OFD1: variants seen among roughly 807,000 people sequenced by gnomAD.
OFD1 encodes OFD1 centriole and centriolar satellite protein.
OFD1 carries 12 observed loss-of-function variants against 81.4 expected under a neutral mutation model. That is an observed-to-expected ratio of 0.15 (90% confidence interval 0.09 to 0.24). The LOEUF (loss-of-function observed/expected upper bound fraction) is 0.24, where lower values mean the gene tolerates loss of function less well. Among genes scored for constraint, OFD1 ranks in the 10% least tolerant of loss-of-function variants. The probability of loss-of-function intolerance (pLI) is 1.00; values close to 1 mark genes in which losing one functional copy is unlikely to be tolerated. For synonymous variants in OFD1, 256 were observed against 263.7 expected, an observed-to-expected ratio of 0.97 and a Z score of 0.28; for missense variants, 685 against 733.9, an observed-to-expected ratio of 0.93 and a Z score of 0.77.
chrX:13,745,677 T>C (rs1207870094), intron 6 of OFD1, among the ~76,000 whole-genome samples: 1 of 112,339 alleles, frequency 8.9e-6, no homozygotes. Flanking sequence ...GTGGGCGTTA[T>C]ACACGGTTGA....
the OFD1 span, chrX:13,716,690 T>G: frequency 8.3e-7 from 1 of 1,208,766 alleles, no homozygotes; most frequent in Non-Finnish European, 1.1e-6. Flanking sequence ...TAGATGACAG[T>G]GTGAGCAACC....
the OFD1 span, among the ~76,000 whole-genome samples, chrX:13,724,432 G>A: frequency 9.2e-6 from 1 of 108,356 alleles, no homozygotes; most frequent in Non-Finnish European, 1.9e-5. Context: ...GGCTTTTTAG[G>A]CTACGATCAG....
chrX:13,772,638 G>A (rs942838824), downstream of OFD1: 1 of 318,471 alleles, frequency 3.1e-6, no homozygotes, highest in Non-Finnish European at 5.5e-6. Context: ...AAGTATGAAC[G>A]ATCATTTTGT....
At position 13,760,234 on chromosome X, in the gene OFD1, A is replaced by G; in HGVS notation, c.1774A>G (p.Asn592Asp). The change falls in exon 16 of 23, where the codon AAT becomes GAT. Residue 592 changes from asparagine (N) to aspartate (D), a missense_variant. Around this residue, in one of 3 missense-constraint regions of OFD1, gnomAD observed 414 missense variants for 447.2 expected, o/e 0.93. Coordinates refer to ENST00000340096, the MANE Select transcript of OFD1 (RefSeq NM_003611.3). ...NGEISGDFLN[N>D]PFKQENVLAR... Reference sequence around the variant, plus strand: ...TGAGATAAGTGGGGATTTCTTGAACAATCCTTTTAAACAGGAAAACGTTCT... The same window carrying G: ...TGAGATAAGTGGGGATTTCTTGAACGATCCTTTTAAACAGGAAAACGTTCT... 8.3e-7 allele frequency: 1 copy of G among 1,211,671 alleles called. No individual in the cohort carries two copies. The highest frequency in any genetic ancestry group is 1.1e-6 in the Non-Finnish European group (1 of 895,529).
chrX:13,758,085 A>G (rs986937737), intron 14 of OFD1, among the ~76,000 whole-genome samples: 1 of 111,285 alleles, frequency 9.0e-6, no homozygotes, highest in African/African-American at 3.3e-5. Context: ...AAGTATTACA[A>G]ACATTCACTG....
chrX:13,772,992 G>A (rs1292660033), downstream of OFD1: 5 of 1,208,724 alleles, frequency 4.1e-6, no homozygotes, highest in South Asian at 5.3e-5. Flanking sequence ...CATCCTTTAA[G>A]TAAGCCCAGT....
intron 7 of OFD1, 65 bp downstream of exon 7, chrX:13,746,520 A>G (rs2047304888): frequency 1.8e-6 from 2 of 1,121,261 alleles, no homozygotes; most frequent in Non-Finnish European, 2.5e-6. Context: ...AGTCTTAACC[A>G]TAGGTATATG....
At chrX:13,740,326 T>G in intron 5 of OFD1, 1 of 392,300 alleles carries the variant, frequency 2.5e-6, no homozygotes, top group Non-Finnish European at 4.3e-6. Flanking sequence ...TCATGTGGCT[T>G]TTGAGCCTTG....
At chrX:13,718,259 C>T in the OFD1 span, among the ~76,000 whole-genome samples, 1 of 113,115 alleles carries the variant, frequency 8.8e-6, no homozygotes. Flanking sequence ...CGGCCCGTTG[C>T]CGTGGAATCC....
At chrX:13,733,367 T>C (rs777426383), upstream of OFD1, among the ~76,000 whole-genome samples, 5 of 111,660 alleles carry the variant, frequency 4.5e-5, no homozygotes, top group African/African-American at 1.6e-4. Context: ...TTATTTTTTC[T>C]CCCAAATTCA....
chrX:13,749,397 C>A, intron 8 of OFD1, 30 bp from the exon 9 acceptor site: 2 of 953,987 alleles, frequency 2.1e-6, no homozygotes, highest in Non-Finnish European at 3.0e-6. Context: ...CATTAGCTTG[C>A]TTGCTAAAAA....
chrX:13,758,484 G>A, intron 15 of OFD1, 36 bp downstream of exon 15: 1 of 779,399 alleles, frequency 1.3e-6, no homozygotes. Flanking sequence ...ATTTTTGTAT[G>A]TATAAAGCTT....
chrX:13,725,733 G>A, the OFD1 span, among the ~76,000 whole-genome samples: 1 of 112,475 alleles, frequency 8.9e-6, no homozygotes, highest in Non-Finnish European at 1.9e-5. Flanking sequence ...GCCAGCAATG[G>A]AACAAAGCTG....
chrX:13,737,541 A>G (rs1003743130), intron 3 of OFD1, among the ~76,000 whole-genome samples: 10 of 110,415 alleles, frequency 9.1e-5, no homozygotes, highest in East Asian at 2.9e-4. Context: ...GCTACAATCT[A>G]TAAGCCTACC....
chrX:13,743,483 A>C (rs950355170), intron 5 of OFD1, among the ~76,000 whole-genome samples: 1 of 112,455 alleles, frequency 8.9e-6, no homozygotes, highest in Non-Finnish European at 1.9e-5. Flanking sequence ...AATTCATAGA[A>C]GTGGAATGAC....
chrX:13,761,270 CCTTCA>C (rs756407475), intron 17 of OFD1, 59 bp downstream of exon 17: 49 of 1,135,796 alleles, frequency 4.3e-5, no homozygotes, highest in East Asian at 6.1e-5. Context: ...GCTCTGTCAG[CCTTCA>C]CTTGTTTTAC....
chrX:13,749,292 G>A (rs1325919317), intron 8 of OFD1, 135 bp from the exon 9 acceptor site: 3 of 472,494 alleles, frequency 6.3e-6, no homozygotes, highest in African/African-American at 2.4e-5. Context: ...ACCTTGAGTC[G>A]GAATCTCTTG....
At chrX:13,719,037 A>G in the OFD1 span, among the ~76,000 whole-genome samples, 6 of 110,564 alleles carry the variant, frequency 5.4e-5, no homozygotes, top group African/African-American at 2.0e-4. Context: ...CGCACCTATA[A>G]TCCCAGCTAC....
chrX:13,767,945 C>T lies in OFD1; in HGVS notation c.2758-109C>T, dbSNP rs748785686. 65 of 755,476 alleles carry T rather than the reference C, an allele frequency of 8.6e-5. No individual in the cohort carries two copies. The Middle Eastern group carries it at 1.7e-3, about 20-fold the overall frequency. 62.3% of individuals were successfully genotyped at this position (755,476 alleles called of 1,213,427 possible). A position where few individuals can be genotyped will look rare whatever the true frequency, so the allele number is the denominator to read the frequency against. ...TCAATTTTAAAAATTAGTCCTCTGG[C>T]ATACAGGCTGTACTTGAAGGATCGG... is the stretch of plus-strand genomic sequence containing the variant. On this transcript the variant is annotated intron_variant, in intron 20 of 22. Transcript: ENST00000340096.
Sources: allele counts gnomAD v4.1 joint callset (sites outside exome capture counted in the v4.1 genomes callset), GRCh38; gene constraint gnomAD v4.1.1; regional missense constraint gnomAD v4.1.1; transcripts MANE v1.5; gene names NCBI Gene and HGNC (gene_info 2026-07-23, HGNC 2026-07-21).